GAREM1: variants seen among roughly 807,000 people sequenced by gnomAD.
The protein encoded by GAREM1 is GRB2-associated and regulator of MAPK protein 1.
In GAREM1, 26 loss-of-function variants were observed where a neutral mutation model predicts 71.3. That is an observed-to-expected ratio of 0.36 (90% confidence interval 0.27 to 0.51). The LOEUF (loss-of-function observed/expected upper bound fraction) is 0.51. Among genes scored for constraint, GAREM1 ranks in the 20% least tolerant of loss-of-function variants. GAREM1 has a pLI of 0.95. For missense variants in GAREM1, 1,026 were observed against 1,103.1 expected (o/e 0.93, Z 0.99); for synonymous variants, 440 against 433.2 (o/e 1.02, Z -0.20).
rs568379688 is a variant in GAREM1 at position 32,470,816 on chromosome 18, C to T, written c.-388G>A. On this transcript the variant is annotated 5_prime_UTR_variant, in exon 1 of 6. Coordinates refer to ENST00000269209, the MANE Select transcript of GAREM1 (RefSeq NM_001242409.2). This position sits in a 1 kb window ranked among gnomAD's most constrained non-coding sequence, Gnocchi z 4.4. ...TCCTCCTCTTACCCCTCCTTCCCTC[C>T]GCCTCGAGCGTGTGAGGAGGAGCCG... 2.4e-3 allele frequency among the ~76,000 whole-genome samples: 361 copies of T among 150,434 alleles called. No homozygotes were observed. The highest frequency in any genetic ancestry group is 3.3e-3 in the Non-Finnish European group (222 of 67,310).
At chr18:32,288,496 TA>T (rs2047049638) in intron 3 of GAREM1, among the ~76,000 whole-genome samples, 1 of 152,016 alleles carries the variant, frequency 6.6e-6, no homozygotes, top group South Asian at 2.1e-4. Flanking sequence ...TTTGCAGTTA[TA>T]AATGTTTTCA....
intron 4 of GAREM1, among the ~76,000 whole-genome samples, chr18:32,278,198 C>T (rs973277129): frequency 2.0e-5 from 3 of 152,130 alleles, no homozygotes; most frequent in African/African-American, 7.2e-5. Context: ...GGAAAAAAAT[C>T]AATTTCAGAG....
chr18:32,263,990 A>C lies in GAREM1; in HGVS notation c.*3881T>G, dbSNP rs2041339600. ...AGATATTTGTATATAGTTTAAACTG[A>C]AATCACGTTTATTCCTTGTTTCTGG... On this transcript the variant is annotated 3_prime_UTR_variant, in exon 6 of 6. Coordinates refer to ENST00000269209, the MANE Select transcript of GAREM1 (RefSeq NM_001242409.2). 6.6e-6 allele frequency: 1 copy of C among 152,234 alleles called. No homozygotes were observed. Among genetic ancestry groups the C allele is most frequent in the Admixed American group, 6.5e-5 (1 of 15,284 alleles). 9.4% of individuals were successfully genotyped at this position (152,234 alleles called of 1,614,324 possible).
At chr18:32,387,358 A>G (rs1003471219) in intron 2 of GAREM1, among the ~76,000 whole-genome samples, 1 of 152,222 alleles carries the variant, frequency 6.6e-6, no homozygotes, top group Non-Finnish European at 1.5e-5. Context: ...ACACAGGTCC[A>G]GGCAGTTTGG....
chr18:32,440,172 T>C (rs2048720621), intron 1 of GAREM1, among the ~76,000 whole-genome samples: 1 of 152,182 alleles, frequency 6.6e-6, no homozygotes, highest in Non-Finnish European at 1.5e-5. Flanking sequence ...TTTTAAAGAC[T>C]CCACAGATAT....
At chr18:32,315,059 AG>A (rs892825647) in intron 2 of GAREM1, among the ~76,000 whole-genome samples, 1 of 152,114 alleles carries the variant, frequency 6.6e-6, no homozygotes, top group African/African-American at 2.4e-5. Flanking sequence ...CTCAAGATGC[AG>A]GGATTCATAT....
chr18:32,310,146 A>G (rs775714584), intron 3 of GAREM1, 47 bp downstream of exon 3: 2 of 1,602,232 alleles, frequency 1.2e-6, no homozygotes, highest in South Asian at 2.2e-5. Context: ...TTGAAAGTTA[A>G]ATTATCTTTA....
intron 1 of GAREM1, among the ~76,000 whole-genome samples, chr18:32,465,504 T>C (rs2048990707): frequency 6.6e-6 from 1 of 152,146 alleles, no homozygotes; most frequent in African/African-American, 2.4e-5. Flanking sequence ...TCTGATCTGA[T>C]TCCTATGCAC....
intron 2 of GAREM1, among the ~76,000 whole-genome samples, chr18:32,311,914 A>G (rs1402569194): frequency 2.0e-5 from 3 of 152,270 alleles, no homozygotes; most frequent in African/African-American, 7.2e-5. Context: ...TGCAAGGCAC[A>G]GAGGCAAGTG....
intron 2 of GAREM1, among the ~76,000 whole-genome samples, chr18:32,384,178 G>A (rs775595990): frequency 3.2e-4 from 48 of 152,246 alleles, no homozygotes; most frequent in Middle Eastern, 3.4e-3. Flanking sequence ...AGCCACAGCT[G>A]GGAGCAATCA....
At chr18:32,368,943 TATA>T (rs2047951969) in intron 2 of GAREM1, among the ~76,000 whole-genome samples, 1 of 152,190 alleles carries the variant, frequency 6.6e-6, no homozygotes, top group African/African-American at 2.4e-5. Flanking sequence ...CAATATAAAA[TATA>T]ATAATTGTCC....
chr18:32,347,413 A>C (rs1465168973), intron 2 of GAREM1, among the ~76,000 whole-genome samples: 1 of 152,200 alleles, frequency 6.6e-6, no homozygotes, highest in African/African-American at 2.4e-5. Context: ...ACTGCTCTGC[A>C]GCAAAGGAAA....
rs1009964308 is a variant in GAREM1, at chr18:32,294,741, C to G, written c.394-6538G>C. Among the ~76,000 whole-genome samples, 3 of 152,118 alleles carry G rather than the reference C, an allele frequency of 2.0e-5. No individual in the cohort carries two copies. In the South Asian group the frequency reaches 6.2e-4, roughly 32 times the overall value. ...AGTGTCTTACTGTAAGGTTTTTTCT[C>G]CAGTTAATTCTCTTGGGATTAGGTG... On this transcript the variant is annotated intron_variant, in intron 3 of 5. Transcript: ENST00000269209.
intron 4 of GAREM1, 145 bp downstream of exon 4, chr18:32,286,886 G>A: frequency 1.6e-6 from 1 of 633,318 alleles, no homozygotes; most frequent in Non-Finnish European, 2.8e-6. Context: ...AAATAATCAA[G>A]CTAGCATGTG....
At chr18:32,417,270 G>A (rs2048474465) in intron 1 of GAREM1, among the ~76,000 whole-genome samples, 1 of 152,176 alleles carries the variant, frequency 6.6e-6, no homozygotes, top group Non-Finnish European at 1.5e-5. Flanking sequence ...ACTGTTGGTA[G>A]TAACGTAAAT....
At chr18:32,362,797 C>T (rs141222355) in intron 2 of GAREM1, among the ~76,000 whole-genome samples, 3 of 152,298 alleles carry the variant, frequency 2.0e-5, no homozygotes, top group African/African-American at 7.2e-5. Context: ...AGATGTTTAT[C>T]AGCCATGTTT....
intron 2 of GAREM1, among the ~76,000 whole-genome samples, chr18:32,369,552 A>G (rs1362102817): frequency 6.6e-6 from 1 of 152,216 alleles, no homozygotes; most frequent in Non-Finnish European, 1.5e-5. Context: ...TTACAGACTG[A>G]TCAGTATCAA....
At chr18:32,360,772 A>G (rs1412619465) in intron 2 of GAREM1, among the ~76,000 whole-genome samples, 1 of 151,984 alleles carries the variant, frequency 6.6e-6, no homozygotes, top group East Asian at 1.9e-4. Context: ...TATTCCAGAG[A>G]TTTGTTAATA....
At chr18:32,270,695 C>G (rs2041448114) in intron 4 of GAREM1, among the ~76,000 whole-genome samples, 1 of 151,986 alleles carries the variant, frequency 6.6e-6, no homozygotes, top group African/African-American at 2.4e-5. Context: ...GGTTAAAGAG[C>G]TAGTGACATG....
Sources: allele counts gnomAD v4.1 joint callset (sites outside exome capture counted in the v4.1 genomes callset), GRCh38; gene constraint gnomAD v4.1.1; non-coding constraint Gnocchi (gnomAD v3.1); transcripts MANE v1.5; gene names NCBI Gene and HGNC (gene_info 2026-07-23, HGNC 2026-07-21).